LRRFIP2: variants seen among roughly 807,000 people sequenced by gnomAD.
LRRFIP2 encodes leucine-rich repeat flightless-interacting protein 2.
A neutral mutation model predicts 125.9 loss-of-function variants in LRRFIP2; 109 were observed. The observed-to-expected ratio is 0.87, with a 90% CI of 0.74 to 1.01. The LOEUF (loss-of-function observed/expected upper bound fraction) is 1.01. Among genes scored for constraint, LRRFIP2 ranks in the 50% least tolerant of loss-of-function variants. LRRFIP2 has a pLI of 0.00. For missense variants in LRRFIP2, 850 were observed against 862.3 expected, an observed-to-expected ratio of 0.99 and a Z score of 0.18; for synonymous variants, 291 against 293.1, an observed-to-expected ratio of 0.99 and a Z score of 0.07.
intron 19 of LRRFIP2, among the ~76,000 whole-genome samples, chr3:37,080,801 G>A (rs777633715): frequency 6.6e-6 from 1 of 152,118 alleles, no homozygotes; most frequent in Non-Finnish European, 1.5e-5. Flanking sequence ...TACATGAAAA[G>A]AGACTTAAAA....
At chr3:37,114,455 T>C (rs901779610) in intron 7 of LRRFIP2, among the ~76,000 whole-genome samples, 6 of 152,114 alleles carry the variant, frequency 3.9e-5, no homozygotes, top group Admixed American at 3.9e-4. Context: ...AATGAGTATA[T>C]GTTAGGTGGG....
intron 4 of LRRFIP2, among the ~76,000 whole-genome samples, chr3:37,124,012 T>G (rs2095175174): frequency 6.6e-6 from 1 of 152,182 alleles, no homozygotes; most frequent in South Asian, 2.1e-4. Flanking sequence ...AACTACAGAA[T>G]AAAATATAAA....
intron 13 of LRRFIP2, among the ~76,000 whole-genome samples, chr3:37,105,895 T>A (rs908518798): frequency 6.6e-6 from 1 of 152,106 alleles, no homozygotes; most frequent in African/African-American, 2.4e-5. Context: ...TGAAACCCCG[T>A]CTCTACTAAA....
chr3:37,053,684 T>C lies in LRRFIP2; in HGVS notation c.*167A>G, dbSNP rs1575662191. The C allele has an allele frequency of 1.0e-5, 6 of 597,684 alleles. No individual in the cohort carries two copies. Among genetic ancestry groups the C allele is most frequent in the East Asian group, 8.5e-5 (3 of 35,494 alleles). The allele number at this position is 597,684 out of a possible 1,614,324, so 37.0% of individuals were successfully genotyped here. A position where few individuals can be genotyped will look rare whatever the true frequency, so the allele number is the denominator to read the frequency against. ...CAACAAAATCCAAAGTGTTCATTCA[T>C]GTAGATTCAAAATGACTTCATTCTG... On this transcript the variant is annotated 3_prime_UTR_variant, in exon 28 of 28. Coordinates refer to ENST00000336686, the MANE Select transcript of LRRFIP2 (RefSeq NM_006309.4).
chr3:37,058,543 C>T (rs2087575306), intron 25 of LRRFIP2, among the ~76,000 whole-genome samples: 2 of 151,974 alleles, frequency 1.3e-5, no homozygotes, highest in Non-Finnish European at 1.5e-5. Context: ...GGCATGGTGG[C>T]AGGCGCCTAT....
intron 2 of LRRFIP2, among the ~76,000 whole-genome samples, chr3:37,146,032 T>C (rs574700268): frequency 6.6e-6 from 1 of 152,204 alleles, no homozygotes; most frequent in South Asian, 2.1e-4. Flanking sequence ...GATGTTAGAA[T>C]CCTATACAAT....
rs145939048 is a variant in LRRFIP2, at chr3:37,081,072, C to T, written c.1278+2564G>A. Reference sequence around the variant, plus strand: ...GTCAAAGAAGGAGGATTGGGCAATACAGCAAGGCCCCATCTCCACAAAAAG... The same window carrying T: ...GTCAAAGAAGGAGGATTGGGCAATATAGCAAGGCCCCATCTCCACAAAAAG... On this transcript the variant is annotated intron_variant, in intron 19 of 27. Transcript: ENST00000336686. Among the ~76,000 whole-genome samples the T allele has an allele frequency of 1.4e-4, 21 of 152,228 alleles. No homozygotes were observed. The East Asian group carries it at 2.5e-3, about 18-fold the overall frequency.
chr3:37,109,524 A>C lies in LRRFIP2; in HGVS notation c.609+3T>G, dbSNP rs2094473194. The C allele has an allele frequency of 1.2e-6, 2 of 1,614,018 alleles. No homozygotes were observed. Among genetic ancestry groups the C allele is most frequent in the Admixed American group, 1.7e-5 (1 of 60,016 alleles). On this transcript the variant is annotated splice_donor_region_variant and intron_variant, in intron 11 of 27. Transcript: ENST00000336686. ...GCACACACTGGAAGAGGAAAATACA[A>C]ACCAGACTGGCACTTCTCAGCAGAC...
chr3:37,174,863 T>G (rs903873646), upstream of LRRFIP2: 5 of 152,242 alleles, frequency 3.3e-5, no homozygotes, highest in East Asian at 7.7e-4. Flanking sequence ...TAGCAATGAT[T>G]CACAAAGTGA....
Position 37,108,078 on chromosome 3 carries a change from G to GA in LRRFIP2, c.708dup (p.Pro237SerfsTer7). ...GCAGAGACTAGACAGCTCACCCCTG[G>GA]ACTGCTTCGGGCTGAACTTATTCTT... is the stretch of plus-strand genomic sequence containing the variant. On this transcript the variant is annotated frameshift_variant, in exon 13 of 28. Coordinates refer to ENST00000336686, the MANE Select transcript of LRRFIP2 (RefSeq NM_006309.4). LOFTEE classifies it high-confidence loss of function. The GA allele has an allele frequency of 1.2e-6, 2 of 1,613,692 alleles. 1 individual carries two copies. Among genetic ancestry groups the GA allele is most frequent in the Non-Finnish European group, 1.7e-6 (2 of 1,179,700 alleles).
chr3:37,073,729 G>C (rs779335839), intron 20 of LRRFIP2, among the ~76,000 whole-genome samples: 10 of 152,150 alleles, frequency 6.6e-5, no homozygotes, highest in Non-Finnish European at 1.2e-4. Context: ...ATGAACTATA[G>C]AAATCAAGCA....
intron 15 of LRRFIP2, 56 bp from the exon 16 acceptor site, chr3:37,096,716 T>G (rs2093738115): frequency 2.0e-6 from 2 of 1,022,544 alleles, no homozygotes; most frequent in South Asian, 1.5e-5. Context: ...TGACTTTTTT[T>G]GGGAGGAAAA....
intron 6 of LRRFIP2, among the ~76,000 whole-genome samples, chr3:37,119,848 CAG>C (rs1280198040): frequency 6.6e-6 from 1 of 151,728 alleles, no homozygotes; most frequent in Non-Finnish European, 1.5e-5. Flanking sequence ...TTAGTAGAGA[CAG>C]GGGTTTTTGC....
upstream of LRRFIP2, among the ~76,000 whole-genome samples, chr3:37,175,560 T>A (rs1225646683): frequency 2.0e-5 from 3 of 152,174 alleles, no homozygotes; most frequent in African/African-American, 7.2e-5. Context: ...TGGGTGTCAA[T>A]AACGCCTCGT....
chr3:37,059,794 AAAAAAT>A (rs1366549574), intron 24 of LRRFIP2, among the ~76,000 whole-genome samples: 3 of 72,608 alleles, frequency 4.1e-5, no homozygotes, highest in Admixed American at 2.5e-4. Flanking sequence ...TCAAAAAAAA[AAAAAAT>A]AATAATAATA....
intron 18 of LRRFIP2, among the ~76,000 whole-genome samples, chr3:37,086,725 C>T (rs2093072252): frequency 6.6e-6 from 1 of 152,036 alleles, no homozygotes; most frequent in African/African-American, 2.4e-5. Flanking sequence ...TGAAAATGTT[C>T]TAAAGATGGG....
intron 1 of LRRFIP2, among the ~76,000 whole-genome samples, chr3:37,171,676 G>T (rs2096588918): frequency 6.6e-6 from 1 of 152,190 alleles, no homozygotes; most frequent in Non-Finnish European, 1.5e-5. Flanking sequence ...ACTCCATAGA[G>T]GTTTATTTTA....
chr3:37,124,737 A>G (rs899421449), intron 4 of LRRFIP2, among the ~76,000 whole-genome samples: 2 of 152,196 alleles, frequency 1.3e-5, no homozygotes, highest in African/African-American at 4.8e-5. Flanking sequence ...CACCAATTAC[A>G]TAAGAAAAAA....
intron 21 of LRRFIP2, among the ~76,000 whole-genome samples, chr3:37,071,457 T>C (rs2091168015): frequency 9.1e-6 from 1 of 109,872 alleles, no homozygotes; most frequent in Non-Finnish European, 2.1e-5. Context: ...AGCAATCCTC[T>C]GGCCTCAAGC....
Sources: gnomAD v4.1 joint callset for allele counts (sites outside exome capture counted in the v4.1 genomes callset) on GRCh38, gnomAD v4.1.1 for gene constraint, MANE v1.5 for transcripts, NCBI Gene and HGNC (gene_info 2026-07-23, HGNC 2026-07-21) for gene names.